Variants in SOS1 observed in about 807,000 individuals in gnomAD.
SOS1 encodes SOS Ras/Rac guanine nucleotide exchange factor 1, also known as son of sevenless homolog 1.
In SOS1, 25 loss-of-function variants were observed where a neutral mutation model predicts 157.6. That is an observed-to-expected ratio of 0.16 (90% confidence interval 0.12 to 0.22). The LOEUF is 0.22. Among genes scored for constraint, SOS1 ranks in the 10% least tolerant of loss-of-function variants. The pLI, the probability that SOS1 is intolerant of heterozygous loss-of-function variation, is 1.00. For missense variants in SOS1, 1,237 were observed against 1,599.1 expected, an observed-to-expected ratio of 0.77 and a Z score of 3.86; for synonymous variants, 528 against 534.0, an observed-to-expected ratio of 0.99 and a Z score of 0.16.
intron 1 of SOS1, among the ~76,000 whole-genome samples, chr2:39,085,848 G>A (rs1284240860): frequency 6.6e-6 from 1 of 152,098 alleles, no homozygotes; most frequent in Admixed American, 6.6e-5. Flanking sequence ...AGAGACACAG[G>A]CCCCACCCTC....
At chr2:39,097,304 G>C (rs971865054) in intron 1 of SOS1, among the ~76,000 whole-genome samples, 8 of 152,156 alleles carry the variant, frequency 5.3e-5, no homozygotes, top group Admixed American at 2.6e-4. Context: ...TTATCAGGTA[G>C]AATTTCCTAC....
Position 39,022,721 on chromosome 2 carries a change from C to T in SOS1, c.1707G>A (p.Leu569=), listed in dbSNP as rs1479407572. Residue 569 remains leucine (L), a synonymous_variant, in exon 10 of 23, where the codon CTG becomes CTA. Transcript: ENST00000402219. ...LQEEKEEQMR[L]PSADVYRFAE... ...CAAATCTATAAACATCAGCACTAGG[C>T]AGCCTCATCTGCTCCTCTTTCTCTT... 6.2e-7 allele frequency: 1 copy of T among 1,613,764 alleles called. No individual in the cohort carries two copies. The highest frequency in any genetic ancestry group is 1.3e-5 in the African/African-American group (1 of 75,006).
At chr2:39,037,397 A>G (rs1378778120) in intron 6 of SOS1, among the ~76,000 whole-genome samples, 1 of 152,208 alleles carries the variant, frequency 6.6e-6, no homozygotes, top group African/African-American at 2.4e-5. Flanking sequence ...AAATTTTTCA[A>G]GATTCATCTA....
At chr2:39,060,240 A>G (rs1287694175) in intron 2 of SOS1, among the ~76,000 whole-genome samples, 1 of 152,172 alleles carries the variant, frequency 6.6e-6, no homozygotes. Context: ...TACAAACCTA[A>G]TCATGTTATG....
At chr2:39,107,176 T>C (rs1017307630) in intron 1 of SOS1, among the ~76,000 whole-genome samples, 2 of 152,066 alleles carry the variant, frequency 1.3e-5, no homozygotes, top group African/African-American at 4.8e-5. Flanking sequence ...AGGCAATTCA[T>C]AGCCAGAGAT....
chr2:39,085,087 T>A (rs570492098), intron 1 of SOS1, among the ~76,000 whole-genome samples: 1 of 152,202 alleles, frequency 6.6e-6, no homozygotes, highest in Admixed American at 6.5e-5. Context: ...TACTCTGTCA[T>A]GAGGTTGGAC....
At position 39,074,685 on chromosome 2, in the gene SOS1, T is replaced by G. The variant is rs1024254812; in HGVS notation, c.88-6932A>C. On this transcript the variant is annotated intron_variant, in intron 1 of 22. Coordinates refer to ENST00000402219, the MANE Select transcript of SOS1 (RefSeq NM_005633.4). The stretch of plus-strand genomic sequence containing the variant: ...GAGTTCAAGACCAGCCTGACCAACA[T>G]GGAGAAAGCTTGTCTGTACTAAAAA... Among the ~76,000 whole-genome samples, 5 of 151,874 alleles carry G rather than the reference T, an allele frequency of 3.3e-5. No individual in the cohort carries two copies. In the East Asian group the frequency reaches 9.7e-4, roughly 30 times the overall value.
At chr2:38,999,817 T>A (rs938210489) in intron 17 of SOS1, among the ~76,000 whole-genome samples, 1 of 152,186 alleles carries the variant, frequency 6.6e-6, no homozygotes, top group Non-Finnish European at 1.5e-5. Context: ...TTGGACTGGG[T>A]CATGAAGTGT....
At chr2:39,115,509 G>T (rs1558520909) in intron 1 of SOS1, among the ~76,000 whole-genome samples, 1 of 143,176 alleles carries the variant, frequency 7.0e-6, no homozygotes, top group East Asian at 2.2e-4. Context: ...TGACCTCTCA[G>T]ACTCAAGCAA....
upstream of SOS1, chr2:39,124,249 C>G (rs1673997596): frequency 6.6e-6 from 1 of 152,340 alleles, no homozygotes; most frequent in Non-Finnish European, 1.5e-5. Flanking sequence ...CGGGTAGGCA[C>G]GTGTAGACGT....
chr2:39,093,910 T>C (rs1672679456), intron 1 of SOS1, among the ~76,000 whole-genome samples: 1 of 152,240 alleles, frequency 6.6e-6, no homozygotes, highest in African/African-American at 2.4e-5. Context: ...CTACCACTTG[T>C]GGGGTTTGAC....
chr2:39,003,323 G>A (rs149243783), intron 17 of SOS1, among the ~76,000 whole-genome samples: 1 of 152,138 alleles, frequency 6.6e-6, no homozygotes, highest in Non-Finnish European at 1.5e-5. Context: ...TCTGTAGCAA[G>A]AAGGATGCTT....
At chr2:39,081,842 T>C (rs1465688235) in intron 1 of SOS1, among the ~76,000 whole-genome samples, 1 of 152,126 alleles carries the variant, frequency 6.6e-6, no homozygotes, top group African/African-American at 2.4e-5. Flanking sequence ...TTCATAGTTA[T>C]TAAATTAATA....
intron 6 of SOS1, among the ~76,000 whole-genome samples, chr2:39,044,868 A>ACACACG (rs1558485668): frequency 1.3e-4 from 19 of 142,524 alleles, no homozygotes; most frequent in African/African-American, 4.2e-4. Context: ...GCGCGCGCAC[A>ACACACG]CACACACACA....
intron 8 of SOS1, among the ~76,000 whole-genome samples, chr2:39,033,864 C>T (rs541219549): frequency 2.6e-5 from 4 of 151,920 alleles, no homozygotes; most frequent in South Asian, 4.2e-4. Context: ...AAACTGATAA[C>T]GGCCTTAAGA....
chr2:39,112,755 T>C (rs1194419079), intron 1 of SOS1, among the ~76,000 whole-genome samples: 1 of 152,198 alleles, frequency 6.6e-6, no homozygotes, highest in Non-Finnish European at 1.5e-5. Flanking sequence ...TGGAGGTGAT[T>C]TGGCCAGGTG....
intron 6 of SOS1, among the ~76,000 whole-genome samples, chr2:39,041,937 T>C (rs1670587265): frequency 6.6e-6 from 1 of 152,234 alleles, no homozygotes; most frequent in Non-Finnish European, 1.5e-5. Context: ...TTTTTTTCCA[T>C]TTAACCAGGT....
At chr2:39,119,027 C>T (rs571891776) in intron 1 of SOS1, among the ~76,000 whole-genome samples, 31 of 152,272 alleles carry the variant, frequency 2.0e-4, no homozygotes, top group Middle Eastern at 3.4e-3. Context: ...AAACAATTTC[C>T]GTGTCTCCCC....
Position 39,012,912 on chromosome 2 carries a change from A to C in SOS1, c.2167+548T>G, listed in dbSNP as rs148075035. On this transcript the variant is annotated intron_variant, in intron 13 of 22. Coordinates refer to ENST00000402219, the MANE Select transcript of SOS1 (RefSeq NM_005633.4). ...AAGGAAATAAAAATAAGTTTGTCTA[A>C]GATATCCTTAGAGCCATACACTCAC... 2.1e-3 allele frequency among the ~76,000 whole-genome samples: 314 copies of C among 152,266 alleles called. 3 individuals are homozygous for C. Among genetic ancestry groups the C allele is most frequent in the African/African-American group, 7.0e-3 (290 of 41,564 alleles).
Sources: gnomAD v4.1 joint callset for allele counts (sites outside exome capture counted in the v4.1 genomes callset) on GRCh38, gnomAD v4.1.1 for gene constraint, MANE v1.5 for transcripts, NCBI Gene and HGNC (gene_info 2026-07-23, HGNC 2026-07-21) for gene names.